The following ADAMTS18 variants were observed in gnomAD, a reference collection of about 807,000 sequenced individuals.
The protein encoded by ADAMTS18 is ADAM metallopeptidase with thrombospondin type 1 motif 18.
In ADAMTS18, 157 loss-of-function variants were observed where a neutral mutation model predicts 165.9. That is an observed-to-expected ratio of 0.95 (90% CI 0.83 to 1.08). The LOEUF (loss-of-function observed/expected upper bound fraction) is 1.08. ADAMTS18 is among the 50% of genes least tolerant of loss of function. ADAMTS18 has a pLI of 0.00. For missense variants in ADAMTS18, 2,040 were observed against 1,534.0 expected (o/e 1.33, Z -5.51); for synonymous variants, 782 against 578.2 (o/e 1.35, Z -5.06).
intron 16 of ADAMTS18, among the ~76,000 whole-genome samples, chr16:77,319,553 C>T (rs546722125): frequency 2.0e-5 from 3 of 152,268 alleles, no homozygotes; most frequent in South Asian, 4.1e-4. Flanking sequence ...GCAATTCTCC[C>T]GCCTCAGCCC....
chr16:77,380,490 T>A (rs577509808), intron 3 of ADAMTS18, among the ~76,000 whole-genome samples: 1 of 152,376 alleles, frequency 6.6e-6, no homozygotes, highest in African/African-American at 2.4e-5. Context: ...GTCCAAGTTA[T>A]GCCTGTGCCC....
intron 3 of ADAMTS18, among the ~76,000 whole-genome samples, chr16:77,428,196 C>T (rs2057697279): frequency 6.6e-6 from 1 of 152,146 alleles, no homozygotes; most frequent in African/African-American, 2.4e-5. Flanking sequence ...TTCATCTCTT[C>T]TCGGTCTCTG....
intron 16 of ADAMTS18, among the ~76,000 whole-genome samples, chr16:77,303,798 C>T (rs1005296180): frequency 5.9e-5 from 9 of 152,174 alleles, no homozygotes; most frequent in African/African-American, 2.2e-4. Flanking sequence ...CTTTGGGAGG[C>T]CGAGGTGGGT....
At chr16:77,363,390 C>T (rs1280820568) in intron 6 of ADAMTS18, among the ~76,000 whole-genome samples, 2 of 152,076 alleles carry the variant, frequency 1.3e-5, no homozygotes, top group Non-Finnish European at 2.9e-5. Flanking sequence ...TATCCTTCTG[C>T]ATCTACCAGC....
chr16:77,380,013 C>A (rs915687964), intron 3 of ADAMTS18, among the ~76,000 whole-genome samples: 1 of 152,164 alleles, frequency 6.6e-6, no homozygotes, highest in African/African-American at 2.4e-5. Flanking sequence ...ATGCTGATAA[C>A]GGTAGACTAG....
At chr16:77,378,476 A>G (rs898429811) in intron 3 of ADAMTS18, among the ~76,000 whole-genome samples, 1 of 152,118 alleles carries the variant, frequency 6.6e-6, no homozygotes, top group African/African-American at 2.4e-5. Context: ...GCATGTTGGG[A>G]GGCTGAGGCA....
intron 12 of ADAMTS18, among the ~76,000 whole-genome samples, chr16:77,334,085 G>GCTATATATGCTATATATAATATACAGTA (rs1270001984): frequency 9.6e-6 from 1 of 104,046 alleles, no homozygotes; most frequent in Non-Finnish European, 1.8e-5. Flanking sequence ...AATATACAGT[G>GCTATATATGCTATATATAATATACAGTA]TTATATATTA....
intron 3 of ADAMTS18, among the ~76,000 whole-genome samples, chr16:77,389,282 G>A (rs1365158783): frequency 1.3e-5 from 2 of 152,194 alleles, no homozygotes; most frequent in African/African-American, 4.8e-5. Flanking sequence ...TCCAGTCTAG[G>A]CGACAGAGTG....
Position 77,334,739 on chromosome 16 carries a change from A to G in ADAMTS18, c.1859+1017T>C, listed in dbSNP as rs1429516434. ...ATAGTATACTACTATATACTATAGT[A>G]TATATACTGTATACTATAGTATACA... On this transcript the variant is annotated intron_variant, in intron 12 of 22. Coordinates refer to ENST00000282849, the MANE Select transcript of ADAMTS18 (RefSeq NM_199355.4). Among the ~76,000 whole-genome samples, 6 of 117,226 alleles carry G rather than the reference A, an allele frequency of 5.1e-5. No individual in the cohort carries two copies. The East Asian group carries it at 1.5e-3, about 29-fold the overall frequency. 76.9% of individuals were successfully genotyped at this position (117,226 alleles called of 152,430 possible).
chr16:77,294,249 A>G (rs556236942), intron 19 of ADAMTS18, among the ~76,000 whole-genome samples: 22 of 152,160 alleles, frequency 1.4e-4, no homozygotes, highest in African/African-American at 5.3e-4. Flanking sequence ...CACCACTGAC[A>G]TTTTGGATCA....
chr16:77,326,496 C>T (rs2056098032), intron 12 of ADAMTS18, among the ~76,000 whole-genome samples: 1 of 152,182 alleles, frequency 6.6e-6, no homozygotes, highest in Admixed American at 6.5e-5. Flanking sequence ...TAGCCTCCTA[C>T]CTCAGCCTCC....
intron 22 of ADAMTS18, among the ~76,000 whole-genome samples, chr16:77,287,584 C>T (rs1332807340): frequency 6.6e-6 from 1 of 151,918 alleles, no homozygotes; most frequent in African/African-American, 2.4e-5. Context: ...TTCAAGAGAT[C>T]CTCCCACCTC....
intron 2 of ADAMTS18, 67 bp from the exon 3 acceptor site, chr16:77,431,678 A>G: frequency 6.5e-7 from 1 of 1,528,888 alleles, no homozygotes; most frequent in Non-Finnish European, 9.0e-7. Context: ...CTTTCCAGCA[A>G]GCTGGCAAAG....
At chr16:77,291,517 C>A in intron 20 of ADAMTS18, 39 bp from the exon 21 acceptor site, 2 of 1,594,020 alleles carry the variant, frequency 1.3e-6, no homozygotes, top group Non-Finnish European at 1.7e-6. Context: ...TGAAGACTGC[C>A]AGGATCACAT....
intron 13 of ADAMTS18, 108 bp from the exon 14 acceptor site, chr16:77,322,574 A>T: frequency 7.2e-7 from 1 of 1,379,860 alleles, no homozygotes; most frequent in South Asian, 1.2e-5. Context: ...ATCATGATGA[A>T]TATGGAAAAT....
At chr16:77,419,609 T>C (rs2057575063) in intron 3 of ADAMTS18, among the ~76,000 whole-genome samples, 2 of 152,128 alleles carry the variant, frequency 1.3e-5, no homozygotes, top group South Asian at 4.1e-4. Flanking sequence ...AGTTAACCAA[T>C]CTGCAGTCAT....
rs766086387 is a variant in ADAMTS18, at chr16:77,355,900, C to G, written c.1460+40G>C. 2.5e-6 allele frequency: 4 copies of G among 1,613,376 alleles called. No individual in the cohort carries two copies. The African/African-American group carries it at 5.3e-5, about 22-fold the overall frequency. ...TCTATGGAGCACAATTCTGTCATCA[C>G]TCCAAACCTAGGAGCACCCCAGGAT... On this transcript the variant is annotated intron_variant, in intron 9 of 22. Transcript: ENST00000282849.
chr16:77,413,145 A>G (rs2057486858), intron 3 of ADAMTS18, among the ~76,000 whole-genome samples: 1 of 152,154 alleles, frequency 6.6e-6, no homozygotes, highest in African/African-American at 2.4e-5. Flanking sequence ...GAGGAGTCAC[A>G]CCTGAAGAGC....
At chr16:77,312,903 T>A (rs987591907) in intron 16 of ADAMTS18, among the ~76,000 whole-genome samples, 2 of 152,126 alleles carry the variant, frequency 1.3e-5, no homozygotes, top group Non-Finnish European at 2.9e-5. Context: ...TCAGGGATCT[T>A]GAACTAGAAA....
Sources: gnomAD v4.1 joint callset for allele counts (sites outside exome capture counted in the v4.1 genomes callset) on GRCh38, gnomAD v4.1.1 for gene constraint, MANE v1.5 for transcripts, NCBI Gene and HGNC (gene_info 2026-07-23, HGNC 2026-07-21) for gene names.